The following TLR5 variants were observed in gnomAD, a reference collection of about 807,000 sequenced individuals.
TLR5 encodes toll-like receptor 5.
For synonymous variants in TLR5, 373 were observed against 384.4 expected, an observed-to-expected ratio of 0.97 and a Z score of 0.35; for missense variants, 944 against 999.8, an observed-to-expected ratio of 0.94 and a Z score of 0.75.
chr1:223,124,684 G>C (rs1657095969), intron 5 of TLR5, among the ~76,000 whole-genome samples: 1 of 152,138 alleles, frequency 6.6e-6, no homozygotes, highest in Non-Finnish European at 1.5e-5. Flanking sequence ...GCTCACTGCA[G>C]CCTCCACTTC....
intron 2 of TLR5, among the ~76,000 whole-genome samples, chr1:223,138,178 G>A (rs2192616): frequency 0.026 from 3,869 of 151,598 alleles, 191 homozygotes; most frequent in African/African-American, 0.089. Context: ...GCCCAGACTG[G>A]TCTTGAACTA....
chr1:223,134,143 C>T (rs1657510196), intron 4 of TLR5, among the ~76,000 whole-genome samples: 1 of 152,194 alleles, frequency 6.6e-6, no homozygotes, highest in Admixed American at 6.5e-5. Context: ...CCCCCGCCGC[C>T]CCTACCCCGG....
chr1:223,115,987 TTC>T, intron 5 of TLR5, among the ~76,000 whole-genome samples: 2 of 152,278 alleles, frequency 1.3e-5, no homozygotes, highest in South Asian at 4.1e-4. Context: ...GTGAACCCTC[TTC>T]TCTCTGCTCT....
At position 223,131,223 on chromosome 1, in the gene TLR5, C is replaced by T. The variant is rs1268509109; in HGVS notation, c.-5+1252G>A. Among the ~76,000 whole-genome samples the T allele has an allele frequency of 6.6e-6, 1 of 152,222 alleles. No individual in the cohort carries two copies. Among genetic ancestry groups the T allele is most frequent in the Admixed American group, 6.5e-5 (1 of 15,292 alleles). ...CTCTTCAGGATGACCTCAGGGTCCCCACCACAGACTCTAAGTGAATTCTGG... is the reference window on the plus strand; with the variant it reads ...CTCTTCAGGATGACCTCAGGGTCCCTACCACAGACTCTAAGTGAATTCTGG... On this transcript the variant is annotated intron_variant, in intron 5 of 5. Coordinates refer to ENST00000642603, the MANE Select transcript of TLR5 (RefSeq NM_003268.6). The surrounding 1 kb of genome is among the most constrained non-coding windows in gnomAD (Gnocchi z 4.2).
chr1:223,134,856 A>ACTGC lies in TLR5; in HGVS notation c.-345_-344insGCAG, dbSNP rs1657544912. 1 of 152,250 alleles carries ACTGC rather than the reference A, an allele frequency of 6.6e-6. No individual in the cohort carries two copies. Among genetic ancestry groups the ACTGC allele is most frequent in the African/African-American group, 2.4e-5 (1 of 41,406 alleles). The allele number at this position is 152,250 out of a possible 1,614,324, so 9.4% of individuals were successfully genotyped here. ...GCAGATGAGAGTAGGGAAGTCCAGT[A>ACTGC]TAGCATCCCTGAAAGTAATGACACA... On this transcript the variant is annotated 5_prime_UTR_variant, in exon 4 of 6. An upstream open reading frame in the 5' UTR loses its in-frame stop. Coordinates refer to ENST00000642603, the MANE Select transcript of TLR5 (RefSeq NM_003268.6).
At position 223,131,388 on chromosome 1, in the gene TLR5, C is replaced by T. The variant is rs1274213320; in HGVS notation, c.-5+1087G>A. ...TGCTCGAGATCTAACTTGCCATTCT[C>T]AGAGTCTGCCCTCATCCCCATTCTC... On this transcript the variant is annotated intron_variant, in intron 5 of 5. Coordinates refer to ENST00000642603, the MANE Select transcript of TLR5 (RefSeq NM_003268.6). The surrounding 1 kb of genome is among the most constrained non-coding windows in gnomAD (Gnocchi z 4.2). 6.6e-6 allele frequency among the ~76,000 whole-genome samples: 1 copy of T among 152,210 alleles called. No individual in the cohort carries two copies. Among genetic ancestry groups the T allele is most frequent in the South Asian group, 2.1e-4 (1 of 4,836 alleles).
At chr1:223,136,161 G>A (rs1019665834) in intron 3 of TLR5, among the ~76,000 whole-genome samples, 2 of 152,178 alleles carry the variant, frequency 1.3e-5, no homozygotes, top group African/African-American at 4.8e-5. Flanking sequence ...CTAGAAACAG[G>A]AAGACAGGAA....
In TLR5 at chr1:223,112,400, C is replaced by A. The variant is rs372280067; in HGVS notation, c.632G>T (p.Arg211Ile). Residue 211 changes from arginine (R) to isoleucine (I), a missense_variant, in exon 6 of 6, where the codon AGA (arginine) becomes ATA (isoleucine). Physicochemically the swap from Arg to Ile is moderately conservative, Grantham distance 97. Coordinates refer to ENST00000642603, the MANE Select transcript of TLR5 (RefSeq NM_003268.6). ...ACATTTTCCCCAGTCCACTGAGACT[C>A]TGCTATACAAGCTATTAGCTGCGAG... ...FSLAANSLYS[R>I]VSVDWGKCMN... 2.6e-5 allele frequency: 42 copies of A among 1,614,226 alleles called. No homozygotes were observed. Among genetic ancestry groups the A allele is most frequent in the Non-Finnish European group, 3.4e-5 (40 of 1,180,044 alleles).
At position 223,111,922 on chromosome 1, in the gene TLR5, A is replaced by T. The variant is rs769186779; in HGVS notation, c.1110T>A (p.Asn370Lys). The change falls in exon 6 of 6, where the codon AAT becomes AAA. Residue 370 changes from asparagine (N) to lysine (K), a missense_variant. Asn to Lys is a moderately conservative substitution (Grantham distance 94, BLOSUM62 0). Coordinates refer to ENST00000642603, the MANE Select transcript of TLR5 (RefSeq NM_003268.6). Reference sequence around the variant, plus strand: ...TTTGGTCTTGAATTATTGCAATGTGATTCTTTTGCAAATCAATGTAGGCTA... The same window carrying T: ...TTTGGTCTTGAATTATTGCAATGTGTTTCTTTTGCAAATCAATGTAGGCTA... The part of the protein sequence containing the change: ...PKVAYIDLQK[N>K]HIAIIQDQTF... 1.9e-6 allele frequency: 3 copies of T among 1,614,134 alleles called. No individual in the cohort carries two copies. In the South Asian group the frequency reaches 3.3e-5, roughly 18 times the overall value.
At chr1:223,118,792 C>T (rs371179108) in intron 5 of TLR5, among the ~76,000 whole-genome samples, 6 of 152,068 alleles carry the variant, frequency 3.9e-5, no homozygotes, top group East Asian at 2.0e-4. Flanking sequence ...TTTTAGAGTG[C>T]CCTGACCTAG....
intron 5 of TLR5, among the ~76,000 whole-genome samples, chr1:223,116,000 T>C (rs1488690128): frequency 6.6e-6 from 1 of 152,066 alleles, no homozygotes; most frequent in African/African-American, 2.4e-5. Flanking sequence ...TCTCTGCTCT[T>C]ACTGTGGCGA....
Position 223,111,861 on chromosome 1 carries a change from G to C in TLR5, c.1171C>G (p.Leu391Val), listed in dbSNP as rs553763265. 6.2e-7 allele frequency: 1 copy of C among 1,613,950 alleles called. No homozygotes were observed. The highest frequency in any genetic ancestry group is 8.5e-7 in the Non-Finnish European group (1 of 1,179,898). ...ATGGTTGTAAGAGCATTGTCTCGGA[G>C]ATCCAAGGTCTGTAATTTTTCCAGG... is the stretch of plus-strand genomic sequence containing the variant. Reference protein sequence around the residue: ...KFLEKLQTLDLRDNALTTIHF... With the variant: ...KFLEKLQTLDVRDNALTTIHF... The change falls in exon 6 of 6, where the codon CTC (leucine) becomes GTC (valine). Residue 391 changes from leucine to valine, a missense_variant. By Grantham distance (32) the Leu-to-Val change is conservative (BLOSUM62 1). Coordinates refer to ENST00000642603, the MANE Select transcript of TLR5 (RefSeq NM_003268.6).
At chr1:223,139,715 T>A (rs1657759930) in intron 2 of TLR5, among the ~76,000 whole-genome samples, 1 of 152,124 alleles carries the variant, frequency 6.6e-6, no homozygotes. Context: ...AAGAAGACTC[T>A]AGAATTCTAT....
chr1:223,137,978 A>C (rs1198520843), intron 2 of TLR5, among the ~76,000 whole-genome samples: 1 of 9,560 alleles, frequency 1.0e-4, no homozygotes, highest in African/African-American at 9.4e-4. Context: ...TTTTTTTTTG[A>C]GACCAGGTCT....
chr1:223,142,796 A>C (rs1657935973), intron 1 of TLR5, among the ~76,000 whole-genome samples: 1 of 152,162 alleles, frequency 6.6e-6, no homozygotes, highest in Admixed American at 6.5e-5. Context: ...TTTTCCAAGG[A>C]AGAAAGTGAC....
intron 1 of TLR5, among the ~76,000 whole-genome samples, chr1:223,142,172 T>C (rs1657901436): frequency 6.6e-6 from 1 of 152,146 alleles, no homozygotes; most frequent in Admixed American, 6.5e-5. Context: ...ACATTGGCCC[T>C]GCAAGAGCCT....
rs371091620 is a variant in TLR5, at chr1:223,131,733, TTTGTTG to T, written c.-5+736_-5+741del. Among the ~76,000 whole-genome samples the T allele has an allele frequency of 6.6e-6, 1 of 151,854 alleles. No individual in the cohort carries two copies. The highest frequency in any genetic ancestry group is 2.4e-5 in the African/African-American group (1 of 41,324). On this transcript the variant is annotated intron_variant, in intron 5 of 5. Coordinates refer to ENST00000642603, the MANE Select transcript of TLR5 (RefSeq NM_003268.6). This position sits in a 1 kb window ranked among gnomAD's most constrained non-coding sequence, Gnocchi z 4.2. ...CTTGTACCACCATGCCCAGCTAATT[TTTGTTG>T]TTGTTGTTGTTGTTTTTGTTTTGTA...
intron 5 of TLR5, among the ~76,000 whole-genome samples, chr1:223,125,463 C>T (rs1657128419): frequency 6.6e-6 from 1 of 152,166 alleles, no homozygotes; most frequent in Non-Finnish European, 1.5e-5. Context: ...TCTCAGTGTT[C>T]TCATGTTTCA....
At chr1:223,113,291 C>T (rs1376479690) in intron 5 of TLR5, among the ~76,000 whole-genome samples, 5 of 152,114 alleles carry the variant, frequency 3.3e-5, no homozygotes, top group Non-Finnish European at 7.3e-5. Context: ...CTGCCACCTC[C>T]GCCTCCCGGG....
Sources: gnomAD v4.1 joint callset for allele counts (sites outside exome capture counted in the v4.1 genomes callset) on GRCh38, gnomAD v4.1.1 for gene constraint, Gnocchi (gnomAD v3.1) non-coding constraint, MANE v1.5 for transcripts, NCBI Gene and HGNC (gene_info 2026-07-23, HGNC 2026-07-21) for gene names.